ADAMTSL3: variants seen among roughly 807,000 people sequenced by gnomAD.
The protein encoded by ADAMTSL3 is ADAMTS-like protein 3.
A neutral mutation model predicts 201.7 loss-of-function variants in ADAMTSL3; 128 were observed. The ratio of observed to expected loss-of-function variants is 0.63; its 90% CI spans 0.55 to 0.73. ADAMTSL3 has a LOEUF of 0.73. Among genes scored for constraint, ADAMTSL3 ranks in the 30% least tolerant of loss-of-function variants. ADAMTSL3 has a pLI of 0.00. For missense variants in ADAMTSL3, 1,990 were observed against 2,119.6 expected, an observed-to-expected ratio of 0.94 and a Z score of 1.20; for synonymous variants, 738 against 748.4, an observed-to-expected ratio of 0.99 and a Z score of 0.23.
intron 3 of ADAMTSL3, among the ~76,000 whole-genome samples, chr15:83,720,326 A>G (rs1312742079): frequency 6.6e-6 from 1 of 152,232 alleles, no homozygotes; most frequent in Non-Finnish European, 1.5e-5. Context: ...CAAATTCACT[A>G]GAAAAAATTA....
intron 2 of ADAMTSL3, among the ~76,000 whole-genome samples, chr15:83,662,721 T>C (rs1595986168): frequency 6.6e-6 from 1 of 152,252 alleles, no homozygotes; most frequent in East Asian, 1.9e-4. Context: ...CACAGGGCTC[T>C]TTTCCCTCTA....
chr15:84,037,883 AAAAAC>A lies in ADAMTSL3; in HGVS notation c.*79_*83del. 12 of 1,515,390 alleles carry A rather than the reference AAAAAC, an allele frequency of 7.9e-6. No individual in the cohort carries two copies. The highest frequency in any genetic ancestry group is 2.4e-5 in the Admixed American group (1 of 41,232). 93.9% of individuals were successfully genotyped at this position (1,515,390 alleles called of 1,614,324 possible). On this transcript the variant is annotated 3_prime_UTR_variant, in exon 30 of 30. Transcript: ENST00000286744. ...GCTCTTTTCCCCATGTCGCTGATTC[AAAAAC>A]ATGTATTTCTTAAAAGACTAGATTC...
intron 2 of ADAMTSL3, among the ~76,000 whole-genome samples, chr15:83,656,911 C>T (rs578001295): frequency 2.0e-5 from 3 of 152,236 alleles, no homozygotes; most frequent in Non-Finnish European, 4.4e-5. Flanking sequence ...GACTTAGTGC[C>T]TCTAAAGCCT....
intron 15 of ADAMTSL3, among the ~76,000 whole-genome samples, chr15:83,904,820 T>C (rs886766490): frequency 2.6e-5 from 4 of 152,256 alleles, no homozygotes; most frequent in Admixed American, 2.6e-4. Context: ...AGGGTGGACT[T>C]AGTTAGCACA....
chr15:83,977,143 C>T (rs2067302496), intron 20 of ADAMTSL3, among the ~76,000 whole-genome samples: 1 of 152,102 alleles, frequency 6.6e-6, no homozygotes, highest in Non-Finnish European at 1.5e-5. Flanking sequence ...GGAACACAAA[C>T]CCTATTGTGA....
At chr15:83,863,332 A>G (rs913013510) in intron 8 of ADAMTSL3, among the ~76,000 whole-genome samples, 1 of 152,126 alleles carries the variant, frequency 6.6e-6, no homozygotes, top group Non-Finnish European at 1.5e-5. Flanking sequence ...TTTCAGCACC[A>G]CACCACACCC....
chr15:83,993,826 GAA>G (rs1260290350), intron 23 of ADAMTSL3, among the ~76,000 whole-genome samples: 1 of 152,208 alleles, frequency 6.6e-6, no homozygotes, highest in Non-Finnish European at 1.5e-5. Flanking sequence ...CTTCTGGTAA[GAA>G]AGAAAAGCTC....
intron 23 of ADAMTSL3, among the ~76,000 whole-genome samples, chr15:84,003,426 A>T (rs561434612): frequency 2.0e-5 from 3 of 152,224 alleles, no homozygotes; most frequent in African/African-American, 7.2e-5. Flanking sequence ...CTTGGACAGA[A>T]GCTCTTTCCT....
At chr15:83,841,906 C>T (rs2064384593) in intron 7 of ADAMTSL3, among the ~76,000 whole-genome samples, 1 of 151,906 alleles carries the variant, frequency 6.6e-6, no homozygotes, top group African/African-American at 2.4e-5. Context: ...CAGAAGAACA[C>T]ACAGACGCCG....
intron 19 of ADAMTSL3, among the ~76,000 whole-genome samples, chr15:83,959,552 A>T (rs1464443980): frequency 6.6e-6 from 1 of 152,260 alleles, no homozygotes; most frequent in Non-Finnish European, 1.5e-5. Flanking sequence ...CAGTGGAGCC[A>T]CATATTTAAG....
chr15:83,839,864 C>T (rs2064341969), intron 7 of ADAMTSL3, among the ~76,000 whole-genome samples: 1 of 152,092 alleles, frequency 6.6e-6, no homozygotes, highest in African/African-American at 2.4e-5. Context: ...GGTGAGACTC[C>T]ACCTCCCTGA....
At chr15:83,955,909 C>A (rs961108334) in intron 19 of ADAMTSL3, among the ~76,000 whole-genome samples, 1 of 152,048 alleles carries the variant, frequency 6.6e-6, no homozygotes, top group African/African-American at 2.4e-5. Flanking sequence ...GCAGGTACTT[C>A]CCCAGCTGCC....
chr15:83,871,526 G>A (rs192305174), intron 9 of ADAMTSL3, among the ~76,000 whole-genome samples: 1 of 152,204 alleles, frequency 6.6e-6, no homozygotes. Context: ...TCTTTACTTC[G>A]ACCTTCAGCC....
chr15:83,930,920 C>A (rs1252980533), intron 17 of ADAMTSL3, among the ~76,000 whole-genome samples: 2 of 152,190 alleles, frequency 1.3e-5, no homozygotes, highest in African/African-American at 4.8e-5. Flanking sequence ...AATATTACCC[C>A]AGGGTGAAAC....
intron 26 of ADAMTSL3, among the ~76,000 whole-genome samples, 195 bp downstream of exon 26, chr15:84,021,788 G>A (rs1249115764): frequency 6.6e-6 from 1 of 152,144 alleles, no homozygotes; most frequent in Non-Finnish European, 1.5e-5. Flanking sequence ...TTTCGTAGAT[G>A]GGGAAACTCC....
At chr15:83,774,088 C>G (rs1232625961) in intron 4 of ADAMTSL3, among the ~76,000 whole-genome samples, 2 of 152,110 alleles carry the variant, frequency 1.3e-5, no homozygotes, top group African/African-American at 4.8e-5. Flanking sequence ...ATAATGTTTG[C>G]AAAAATGTAA....
At chr15:83,806,180 C>T (rs371110136) in intron 5 of ADAMTSL3, among the ~76,000 whole-genome samples, 3 of 152,362 alleles carry the variant, frequency 2.0e-5, no homozygotes, top group East Asian at 3.9e-4. Flanking sequence ...TATTTAGACC[C>T]TAGGCCTGGT....
intron 23 of ADAMTSL3, among the ~76,000 whole-genome samples, chr15:84,002,193 G>T (rs1260333724): frequency 1.3e-5 from 2 of 152,134 alleles, no homozygotes. Context: ...TAAGTTAGCT[G>T]GATATGCAAT....
intron 4 of ADAMTSL3, among the ~76,000 whole-genome samples, chr15:83,786,306 A>G (rs1186103815): frequency 6.6e-6 from 1 of 152,092 alleles, no homozygotes; most frequent in Non-Finnish European, 1.5e-5. Flanking sequence ...GTTAACTTCT[A>G]GTGGAGTTCT....
Sources: allele counts gnomAD v4.1 joint callset (sites outside exome capture counted in the v4.1 genomes callset), GRCh38; gene constraint gnomAD v4.1.1; transcripts MANE v1.5; gene names NCBI Gene and HGNC (gene_info 2026-07-23, HGNC 2026-07-21).